ALOX5: variants seen among roughly 807,000 people sequenced by gnomAD.
ALOX5 encodes arachidonate 5-lipoxygenase.
Under a neutral mutation model 87.9 loss-of-function variants are expected in ALOX5, and 64 were observed. That is an observed-to-expected ratio of 0.73 (90% CI 0.60 to 0.90). The LOEUF (loss-of-function observed/expected upper bound fraction) is 0.90. Ranked by LOEUF, ALOX5 falls within the 40% of genes least tolerant of loss-of-function variation. The pLI, the probability that ALOX5 is intolerant of heterozygous loss-of-function variation, is 0.00. For synonymous variants in ALOX5, 388 were observed against 355.1 expected (o/e 1.09, Z -1.04); for missense variants, 822 against 907.5 (o/e 0.91, Z 1.21).
At chr10:45,439,173 CTTTTA>C (rs984658797) in intron 7 of ALOX5, among the ~76,000 whole-genome samples, 4 of 152,100 alleles carry the variant, frequency 2.6e-5, no homozygotes, top group Non-Finnish European at 5.9e-5. Flanking sequence ...CACCTGTTTC[CTTTTA>C]TTTTTATTAA....
At position 45,441,371 on chromosome 10, in the gene ALOX5, A is replaced by G. The variant is rs2132855126; in HGVS notation, c.1213A>G (p.Ile405Val). The G allele has an allele frequency of 2.5e-6, 4 of 1,613,566 alleles. No individual in the cohort carries two copies. The highest frequency in any genetic ancestry group is 3.4e-6 in the Non-Finnish European group (4 of 1,179,708). The change falls in exon 9 of 14, where the codon ATT becomes GTT. Residue 405 changes from isoleucine to valine, a missense_variant. Transcript: ENST00000374391. ...GCTGGTGGCACACGTGAGATTCACC[A>G]TTGCAATCAACACCAAGGCCCGTGA... ...KLLVAHVRFT[I>V]AINTKAREQL...
rs778612367 is a variant in ALOX5 at position 45,395,936 on chromosome 10, G to A, written c.431G>A (p.Arg144Gln). 1.1e-5 allele frequency: 18 copies of A among 1,613,984 alleles called. No individual in the cohort carries two copies. The highest frequency in any genetic ancestry group is 1.7e-5 in the Admixed American group (1 of 60,004). Residue 144 changes from arginine (R) to glutamine (Q), a missense_variant and splice_region_variant, in exon 3 of 14, where the codon CGA becomes CAA. Arg to Gln is a conservative substitution (Grantham distance 43, BLOSUM62 1). Coordinates refer to ENST00000374391, the MANE Select transcript of ALOX5 (RefSeq NM_000698.5). ...CTGGAAACACGGCAAAAACAATATC[G>A]GTGAGTTATGACATCAGATCGAGTG... ...KELETRQKQY[R>Q]WMEWNPGFPL...
intron 3 of ALOX5, among the ~76,000 whole-genome samples, chr10:45,400,332 G>A (rs1191211313): frequency 6.6e-6 from 1 of 152,180 alleles, no homozygotes. Flanking sequence ...AAGCGCGGAG[G>A]CTCACACCTG....
At chr10:45,415,092 C>A (rs1362618313) in intron 4 of ALOX5, among the ~76,000 whole-genome samples, 2 of 152,166 alleles carry the variant, frequency 1.3e-5, no homozygotes, top group Non-Finnish European at 2.9e-5. Flanking sequence ...CGGGTATATA[C>A]CCAAAGGATT....
At chr10:45,442,347 TG>T (rs1032761252) in intron 9 of ALOX5, among the ~76,000 whole-genome samples, 2 of 152,232 alleles carry the variant, frequency 1.3e-5, no homozygotes, top group African/African-American at 2.4e-5. Flanking sequence ...CAGAAAGTGC[TG>T]GGGGGCAGCT....
chr10:45,389,367 G>C (rs933014309), intron 2 of ALOX5, among the ~76,000 whole-genome samples: 6 of 152,162 alleles, frequency 3.9e-5, no homozygotes, highest in East Asian at 1.9e-4. Context: ...TCCTTGAGAA[G>C]AGCAACTCCG....
intron 9 of ALOX5, 199 bp from the exon 10 acceptor site, chr10:45,442,839 G>A: frequency 1.7e-6 from 1 of 595,496 alleles, no homozygotes; most frequent in Non-Finnish European, 2.9e-6. Context: ...GATTGGGCGG[G>A]AGGCTCCTCC....
intron 1 of ALOX5, among the ~76,000 whole-genome samples, chr10:45,374,724 G>A (rs1355946555): frequency 6.6e-6 from 1 of 152,236 alleles, no homozygotes; most frequent in East Asian, 1.9e-4. Flanking sequence ...CCTGGGAGGA[G>A]AAGGCCCAAG....
chr10:45,409,846 AG>A (rs1439268215), intron 3 of ALOX5, among the ~76,000 whole-genome samples: 2 of 152,230 alleles, frequency 1.3e-5, no homozygotes, highest in Non-Finnish European at 2.9e-5. Flanking sequence ...ATTTGGTTTC[AG>A]GGGGGCAGTA....
intron 6 of ALOX5, 151 bp from the exon 7 acceptor site, chr10:45,428,467 C>T (rs1490961435): frequency 1.0e-6 from 1 of 975,368 alleles, no homozygotes; most frequent in Non-Finnish European, 1.5e-6. Flanking sequence ...ATCAATCAGC[C>T]TTGGAGTCAG....
chr10:45,419,172 C>G (rs1266501989), intron 4 of ALOX5, among the ~76,000 whole-genome samples: 1 of 152,258 alleles, frequency 6.6e-6, no homozygotes, highest in African/African-American at 2.4e-5. Flanking sequence ...CCGTGACTGT[C>G]AGGCCGCGCG....
intron 7 of ALOX5, among the ~76,000 whole-genome samples, chr10:45,429,938 C>T (rs1035036792): frequency 3.9e-5 from 6 of 152,150 alleles, no homozygotes; most frequent in Admixed American, 3.9e-4. Context: ...CACAGCCAGC[C>T]ACAGAGCTAG....
Position 45,439,609 on chromosome 10 carries a change from TG to T in ALOX5, c.982-817del, listed in dbSNP as rs528435398. ...GCAGGGCTGCTGGCATGGAGGGACC[TG>T]GGGCTGGGTGCTGGTGTGGGGGCAC... On this transcript the variant is annotated intron_variant, in intron 7 of 13. Transcript: ENST00000374391. Among the ~76,000 whole-genome samples the T allele has an allele frequency of 2.4e-3, 372 of 152,264 alleles. 2 individuals carry two copies. Among genetic ancestry groups the T allele is most frequent in the African/African-American group, 8.5e-3 (352 of 41,554 alleles).
At position 45,443,229 on chromosome 10, in the gene ALOX5, G is replaced by A. The variant is rs28395868; in HGVS notation, c.1451+13G>A. On this transcript the variant is annotated intron_variant, in intron 10 of 13. Coordinates refer to ENST00000374391, the MANE Select transcript of ALOX5 (RefSeq NM_000698.5). ...AAGCCATCAGGACGTGAGCGCCCGCGGGGCGGTGGTCCTGGGGGAGGAGCC... is the reference window on the plus strand; with the variant it reads ...AAGCCATCAGGACGTGAGCGCCCGCAGGGCGGTGGTCCTGGGGGAGGAGCC... 0.04 allele frequency: 64,540 copies of A among 1,609,890 alleles called. 1,577 individuals carry two copies. The highest frequency in any genetic ancestry group is 0.046 in the Non-Finnish European group (54,558 of 1,177,922).
At chr10:45,388,198 C>T (rs976049373) in intron 2 of ALOX5, among the ~76,000 whole-genome samples, 59 of 152,330 alleles carry the variant, frequency 3.9e-4, no homozygotes, top group African/African-American at 2.6e-4. Flanking sequence ...CCAGCAAGCT[C>T]GAACTGGGTG....
chr10:45,404,943 T>A (rs1840824430), intron 3 of ALOX5, among the ~76,000 whole-genome samples: 1 of 152,264 alleles, frequency 6.6e-6, no homozygotes, highest in Admixed American at 6.5e-5. Context: ...CATCTTCAGA[T>A]GTTTTCATTC....
At chr10:45,409,040 C>G (rs2132752266) in intron 3 of ALOX5, among the ~76,000 whole-genome samples, 1 of 152,312 alleles carries the variant, frequency 6.6e-6, no homozygotes, top group South Asian at 2.1e-4. Context: ...GATGTGTAAA[C>G]AGACTGTCAC....
At chr10:45,397,287 G>A (rs1840548064) in intron 3 of ALOX5, among the ~76,000 whole-genome samples, 1 of 152,218 alleles carries the variant, frequency 6.6e-6, no homozygotes, top group Non-Finnish European at 1.5e-5. Flanking sequence ...GGCTGAGGCA[G>A]GAGAATCACT....
chr10:45,424,944 G>C lies in ALOX5; in HGVS notation c.662-16G>C, dbSNP rs374722615. 7 of 1,613,790 alleles carry C rather than the reference G, an allele frequency of 4.3e-6. No homozygotes were observed. The highest frequency in any genetic ancestry group is 5.9e-6 in the Non-Finnish European group (7 of 1,179,750). ...CTACTCAGAGCTCAGGGTGGGCCTCGCTTTTCTCCTGGTAGAGCGGGTCAT... is the reference window on the plus strand; with the variant it reads ...CTACTCAGAGCTCAGGGTGGGCCTCCCTTTTCTCCTGGTAGAGCGGGTCAT... On this transcript the variant is annotated splice_polypyrimidine_tract_variant and intron_variant, in intron 5 of 13. Coordinates refer to ENST00000374391, the MANE Select transcript of ALOX5 (RefSeq NM_000698.5).
Sources: gnomAD v4.1 joint callset for allele counts (sites outside exome capture counted in the v4.1 genomes callset) on GRCh38, gnomAD v4.1.1 for gene constraint, MANE v1.5 for transcripts, NCBI Gene and HGNC (gene_info 2026-07-23, HGNC 2026-07-21) for gene names.